Variants in NPAT observed in about 807,000 individuals in gnomAD.
The protein encoded by NPAT is nuclear protein, coactivator of histone transcription.
In NPAT, 52 loss-of-function variants were observed where a neutral mutation model predicts 130.7. The observed-to-expected ratio is 0.40, with a 90% CI of 0.32 to 0.50. The LOEUF (loss-of-function observed/expected upper bound fraction) is 0.50, where lower values mean the gene tolerates loss of function less well. NPAT is among the 20% of genes least tolerant of loss of function. NPAT has a pLI of 0.68. For synonymous variants in NPAT, 580 were observed against 584.8 expected, an observed-to-expected ratio of 0.99 and a Z score of 0.12; for missense variants, 1,687 against 1,662.6, an observed-to-expected ratio of 1.01 and a Z score of -0.26.
intron 1 of NPAT, among the ~76,000 whole-genome samples, chr11:108,221,740 C>A (rs2078503429): frequency 6.6e-6 from 1 of 152,172 alleles, no homozygotes; most frequent in South Asian, 2.1e-4. Flanking sequence ...CCCTGTAGTA[C>A]AATCCTCTTT....
At position 108,173,096 on chromosome 11, in the gene NPAT, A is replaced by G. The variant is rs372800618; in HGVS notation, c.1888T>C (p.Ser630Pro). ...QVEIHLGDSL[S>P]STKQPSNDSA... ...TCATTAGATGGTTGTTTAGTAGAAG[A>G]CAGCGAATCTCCAAGATGAATTTCT... The change falls in exon 13 of 18, where the codon TCT becomes CCT. Residue 630 changes from serine (S) to proline (P), a missense_variant. This residue lies in a region of NPAT where 1,379 missense variants were observed against 1,346.6 expected (regional missense o/e 1.02). Coordinates refer to ENST00000278612, the MANE Select transcript of NPAT (RefSeq NM_002519.3). 6.2e-7 allele frequency: 1 copy of G among 1,614,116 alleles called. No individual in the cohort carries two copies. Among genetic ancestry groups the G allele is most frequent in the Non-Finnish European group, 8.5e-7 (1 of 1,180,006 alleles).
chr11:108,201,249 T>A (rs1385824846), intron 1 of NPAT, among the ~76,000 whole-genome samples: 1 of 152,140 alleles, frequency 6.6e-6, no homozygotes, highest in African/African-American at 2.4e-5. Context: ...CATCTCCTCT[T>A]TTCCTCTCCC....
At chr11:108,160,231 G>A (rs899852488) in intron 17 of NPAT, among the ~76,000 whole-genome samples, 1 of 152,104 alleles carries the variant, frequency 6.6e-6, no homozygotes, top group Non-Finnish European at 1.5e-5. Flanking sequence ...GCTGAGGTAG[G>A]AGAATCACTT....
chr11:108,211,466 C>T (rs2078383032), intron 1 of NPAT, among the ~76,000 whole-genome samples: 1 of 151,224 alleles, frequency 6.6e-6, no homozygotes. Context: ...TCACTTGAGC[C>T]TGGGAAGTCA....
chr11:108,167,352 C>T (rs1228110105), intron 15 of NPAT, among the ~76,000 whole-genome samples: 1 of 152,162 alleles, frequency 6.6e-6, no homozygotes, highest in Non-Finnish European at 1.5e-5. Context: ...GTTGGGACTA[C>T]TATCTGCCAC....
intron 15 of NPAT, among the ~76,000 whole-genome samples, chr11:108,164,261 G>T (rs1403809630): frequency 2.6e-5 from 4 of 152,206 alleles, no homozygotes; most frequent in African/African-American, 4.8e-5. Context: ...TATTTAAAAT[G>T]ATTGCCAAGT....
rs2134834089 is a variant in NPAT at position 108,171,969 on chromosome 11, T to C, written c.2785+230A>G. On this transcript the variant is annotated intron_variant, in intron 13 of 17. Transcript: ENST00000278612. ...ACTAGCACATAGATTGAGAAGTATT[T>C]GTGAAAAGAAAAAAGAAAAACCACT... The C allele has an allele frequency of 7.3e-6, 4 of 544,512 alleles. No homozygotes were observed. The East Asian group carries it at 9.2e-5, about 12-fold the overall frequency. 33.7% of individuals were successfully genotyped at this position (544,512 alleles called of 1,614,324 possible). A position where few individuals can be genotyped will look rare whatever the true frequency, so the allele number is the denominator to read the frequency against.
chr11:108,164,904 G>A (rs1167096855), intron 15 of NPAT, among the ~76,000 whole-genome samples: 2 of 152,224 alleles, frequency 1.3e-5, no homozygotes, highest in African/African-American at 4.8e-5. Context: ...CCAGCTACTC[G>A]GGAGGCTGAG....
At chr11:108,188,325 A>C in intron 6 of NPAT, 146 bp from the exon 7 acceptor site, 2 of 682,780 alleles carry the variant, frequency 2.9e-6, no homozygotes, top group Non-Finnish European at 5.2e-6. Flanking sequence ...AAGCATGGTA[A>C]AAGACACTAA....
At chr11:108,182,781 C>T (rs952805184) in intron 10 of NPAT, among the ~76,000 whole-genome samples, 3 of 152,270 alleles carry the variant, frequency 2.0e-5, no homozygotes, top group African/African-American at 7.2e-5. Context: ...TGAGCCACCA[C>T]ACCCAGCTAA....
chr11:108,195,015 G>A (rs1440614487), intron 2 of NPAT, among the ~76,000 whole-genome samples: 2 of 151,548 alleles, frequency 1.3e-5, no homozygotes, highest in Admixed American at 6.6e-5. Context: ...GTAGAGATGG[G>A]GTTTCACTAT....
chr11:108,170,470 G>A (rs2077940264), intron 13 of NPAT, among the ~76,000 whole-genome samples: 1 of 152,106 alleles, frequency 6.6e-6, no homozygotes, highest in Non-Finnish European at 1.5e-5. Context: ...TTATACCCAG[G>A]ACTACACTTG....
chr11:108,195,650 C>G (rs1044814361), intron 2 of NPAT, among the ~76,000 whole-genome samples: 2 of 151,108 alleles, frequency 1.3e-5, no homozygotes, highest in East Asian at 1.9e-4. Context: ...TTTTTTGGGA[C>G]AGGGTTTTAC....
intron 12 of NPAT, among the ~76,000 whole-genome samples, chr11:108,175,574 A>G (rs1241096799): frequency 1.3e-5 from 2 of 152,230 alleles, no homozygotes; most frequent in Admixed American, 1.3e-4. Flanking sequence ...TCTTCTAGAC[A>G]TAATATATAC....
chr11:108,185,461 G>A lies in NPAT; in HGVS notation c.760C>T (p.Leu254=), dbSNP rs979262966. Residue 254 remains leucine (L), a synonymous_variant, in exon 9 of 18, where the codon CTA becomes TTA. Coordinates refer to ENST00000278612, the MANE Select transcript of NPAT (RefSeq NM_002519.3). ...MVIENAREKI[L]SNKSLQEKLA... ...TTTTCTTGAAGAGATTTGTTGCTTAGTATTTTTTCTCGTGCATTTTCAATA... is the reference window on the plus strand; with the variant it reads ...TTTTCTTGAAGAGATTTGTTGCTTAATATTTTTTCTCGTGCATTTTCAATA... The A allele has an allele frequency of 3.7e-6, 6 of 1,611,684 alleles. No homozygotes were observed. Among genetic ancestry groups the A allele is most frequent in the Non-Finnish European group, 5.1e-6 (6 of 1,178,432 alleles).
chr11:108,172,663 G>T lies in NPAT; in HGVS notation c.2321C>A (p.Ser774Tyr). 1 of 1,614,036 alleles carries T rather than the reference G, an allele frequency of 6.2e-7. No individual in the cohort carries two copies. The highest frequency in any genetic ancestry group is 8.5e-7 in the Non-Finnish European group (1 of 1,179,980). Residue 774 changes from serine to tyrosine, a missense_variant, in exon 13 of 18, where the codon TCT (serine) becomes TAT (tyrosine). Coordinates refer to ENST00000278612, the MANE Select transcript of NPAT (RefSeq NM_002519.3). The part of the protein sequence containing the change: ...NGENLPTIIL[S>Y]SPTKSPTKNA... Reference sequence around the variant, plus strand: ...TTTAGTAGGTGATTTAGTAGGAGAAGACAAGATTATAGTTGGCAGGTTTTC... The same window carrying T: ...TTTAGTAGGTGATTTAGTAGGAGAATACAAGATTATAGTTGGCAGGTTTTC...
chr11:108,166,907 G>A (rs2077907321), intron 15 of NPAT, among the ~76,000 whole-genome samples: 1 of 152,008 alleles, frequency 6.6e-6, no homozygotes, highest in Non-Finnish European at 1.5e-5. Context: ...TATGAACATG[G>A]TTCTCTTCTA....
rs1235132629 is a variant in NPAT, at chr11:108,189,208, A to T, written c.454T>A (p.Ser152Thr). 1.2e-6 allele frequency: 2 copies of T among 1,614,068 alleles called. No homozygotes were observed. Among genetic ancestry groups the T allele is most frequent in the Non-Finnish European group, 1.7e-6 (2 of 1,180,030 alleles). The change falls in exon 6 of 18, where the codon TCC becomes ACC. Residue 152 changes from serine to threonine, a missense_variant. Ser to Thr is a moderately conservative substitution (Grantham distance 58, BLOSUM62 1). Transcript: ENST00000278612. ...YLSGQFTTPP[S>T]TGTQVTRPSG... ...GGTCGAGTAACCTGTGTACCTGTGGAAGGAGGAGTGGTAAACTGTCCTGAA... is the reference window on the plus strand; with the variant it reads ...GGTCGAGTAACCTGTGTACCTGTGGTAGGAGGAGTGGTAAACTGTCCTGAA...
chr11:108,207,651 C>T (rs964581049), intron 1 of NPAT, among the ~76,000 whole-genome samples: 1 of 152,232 alleles, frequency 6.6e-6, no homozygotes, highest in Middle Eastern at 3.2e-3. Flanking sequence ...ACTTTGAAAT[C>T]GGAGTGGGCA....
Sources: gnomAD v4.1 joint callset for allele counts (sites outside exome capture counted in the v4.1 genomes callset) on GRCh38, gnomAD v4.1.1 for gene constraint, gnomAD v4.1.1 regional missense constraint, MANE v1.5 for transcripts, NCBI Gene and HGNC (gene_info 2026-07-23, HGNC 2026-07-21) for gene names.